PLCB1: variants seen among roughly 807,000 people sequenced by gnomAD.
PLCB1 encodes the protein phospholipase C beta 1.
In PLCB1, 46 loss-of-function variants were observed where a neutral mutation model predicts 161.8. That is an observed-to-expected ratio of 0.28 (90% CI 0.22 to 0.36). The LOEUF is 0.36. Ranked by LOEUF, PLCB1 falls within the 10% of genes least tolerant of loss-of-function variation. The pLI, the probability that PLCB1 is intolerant of heterozygous loss-of-function variation, is 1.00. For missense variants in PLCB1, 1,016 were observed against 1,472.5 expected (o/e 0.69, Z 5.07); for synonymous variants, 517 against 503.7 (o/e 1.03, Z -0.35).
At chr20:8,814,652 A>T (rs75776394) in intron 31 of PLCB1, among the ~76,000 whole-genome samples, 2,792 of 152,028 alleles carry the variant, frequency 0.018, 91 homozygotes, top group South Asian at 0.16. Context: ...CTTTTGGTAC[A>T]GTTCTCTAAA....
intron 2 of PLCB1, among the ~76,000 whole-genome samples, chr20:8,244,713 T>G (rs1209290822): frequency 6.6e-6 from 1 of 151,886 alleles, no homozygotes; most frequent in African/African-American, 2.4e-5. Flanking sequence ...ATGTATATGC[T>G]ATACCGCAGT....
intron 2 of PLCB1, among the ~76,000 whole-genome samples, chr20:8,351,988 G>A (rs530324443): frequency 2.3e-4 from 35 of 152,074 alleles, no homozygotes; most frequent in African/African-American, 7.9e-4. Flanking sequence ...TGTGCTCCTA[G>A]GTATTTACCT....
At chr20:8,168,849 C>A (rs2123064489) in intron 2 of PLCB1, among the ~76,000 whole-genome samples, 1 of 150,988 alleles carries the variant, frequency 6.6e-6, no homozygotes, top group East Asian at 2.0e-4. Context: ...CTTTGGGATT[C>A]TTTACTGCAG....
chr20:8,148,997 T>A (rs2051482187), intron 1 of PLCB1, among the ~76,000 whole-genome samples: 1 of 152,182 alleles, frequency 6.6e-6, no homozygotes, highest in African/African-American at 2.4e-5. Flanking sequence ...AGATGGATGG[T>A]GCTGATGGCA....
intron 12 of PLCB1, among the ~76,000 whole-genome samples, chr20:8,713,542 C>T (rs1979136051): frequency 6.6e-6 from 1 of 152,150 alleles, no homozygotes; most frequent in African/African-American, 2.4e-5. Context: ...AAGTGTGGTC[C>T]TCAGACCAGC....
At chr20:8,487,859 C>G (rs1168053385) in intron 3 of PLCB1, among the ~76,000 whole-genome samples, 1 of 152,060 alleles carries the variant, frequency 6.6e-6, no homozygotes, top group African/African-American at 2.4e-5. Context: ...GCTGGTGCAC[C>G]CAGCCCTTGA....
chr20:8,547,377 T>C (rs1392326805), intron 3 of PLCB1, among the ~76,000 whole-genome samples: 1 of 152,194 alleles, frequency 6.6e-6, no homozygotes, highest in African/African-American at 2.4e-5. Context: ...TTATTCCTCA[T>C]AATACCTCAA....
At chr20:8,584,483 G>GAC (rs61008784) in intron 3 of PLCB1, among the ~76,000 whole-genome samples, 12,646 of 147,684 alleles carry the variant, frequency 0.086, 876 homozygotes, top group African/African-American at 0.19. Context: ...CACACACACA[G>GAC]ACACACACAC....
intron 31 of PLCB1, among the ~76,000 whole-genome samples, chr20:8,805,082 A>C (rs1474559537): frequency 6.6e-6 from 1 of 151,296 alleles, no homozygotes; most frequent in African/African-American, 2.4e-5. Context: ...AATGTTTTCT[A>C]TTATGATAGA....
intron 3 of PLCB1, among the ~76,000 whole-genome samples, chr20:8,423,868 TCA>T (rs1979639230): frequency 6.6e-6 from 1 of 152,174 alleles, no homozygotes; most frequent in Non-Finnish European, 1.5e-5. Flanking sequence ...TATGCATCGC[TCA>T]GAGCTTCCTA....
chr20:8,440,012 A>G (rs1408259110), intron 3 of PLCB1, among the ~76,000 whole-genome samples: 2 of 152,328 alleles, frequency 1.3e-5, no homozygotes, highest in Admixed American at 6.5e-5. Flanking sequence ...GCAGTTATAC[A>G]AAAGATTATG....
chr20:8,389,401 G>T (rs527681333), intron 3 of PLCB1, among the ~76,000 whole-genome samples: 8 of 152,200 alleles, frequency 5.3e-5, no homozygotes, highest in Non-Finnish European at 1.2e-4. Flanking sequence ...GTAAGGGAAA[G>T]GTCACGGTTC....
intron 31 of PLCB1, among the ~76,000 whole-genome samples, chr20:8,852,132 A>T (rs993654044): frequency 1.3e-5 from 2 of 152,244 alleles, no homozygotes; most frequent in Non-Finnish European, 2.9e-5. Flanking sequence ...GCCAGGTTTT[A>T]TCTCTGCCTC....
intron 2 of PLCB1, among the ~76,000 whole-genome samples, chr20:8,169,195 T>A (rs531240502): frequency 2.6e-5 from 4 of 152,336 alleles, no homozygotes; most frequent in African/African-American, 9.6e-5. Flanking sequence ...TTCAGCCTAC[T>A]GCCATCTCTT....
chr20:8,345,820 G>C lies in PLCB1; in HGVS notation c.178-25562G>C, dbSNP rs1189567706. 2.0e-5 allele frequency among the ~76,000 whole-genome samples: 3 copies of C among 152,250 alleles called. 1 individual carries two copies. Among genetic ancestry groups the C allele is most frequent in the African/African-American group, 2.4e-5 (1 of 41,552 alleles). On this transcript the variant is annotated intron_variant, in intron 2 of 31. Coordinates refer to ENST00000338037, the MANE Select transcript of PLCB1 (RefSeq NM_015192.4). ...GATCCAGGCACAAAGGAGAGCAGAG[G>C]CATCTGCAAAATGAAAACTACATTC...
chr20:8,245,638 A>G (rs1205430986), intron 2 of PLCB1, among the ~76,000 whole-genome samples: 3 of 151,958 alleles, frequency 2.0e-5, no homozygotes, highest in Non-Finnish European at 4.4e-5. Context: ...ATGTCTCCTC[A>G]TCCATCAAAG....
intron 4 of PLCB1, among the ~76,000 whole-genome samples, chr20:8,629,862 T>C (rs1988490325): frequency 1.0e-5 from 1 of 100,124 alleles, no homozygotes; most frequent in South Asian, 2.9e-4. Context: ...TCTTTCTTTC[T>C]TTCTTTCTTT....
intron 3 of PLCB1, among the ~76,000 whole-genome samples, chr20:8,505,159 C>T (rs1983586279): frequency 6.6e-6 from 1 of 152,166 alleles, no homozygotes; most frequent in Admixed American, 6.5e-5. Context: ...GCCCCTGTAC[C>T]TAGCCAGATA....
chr20:8,163,914 A>G (rs2051650407), intron 2 of PLCB1, among the ~76,000 whole-genome samples: 2 of 152,216 alleles, frequency 1.3e-5, no homozygotes, highest in Non-Finnish European at 2.9e-5. Flanking sequence ...ATATGGAATG[A>G]GGTTAATTCT....
Sources: gnomAD v4.1 joint callset for allele counts (sites outside exome capture counted in the v4.1 genomes callset) on GRCh38, gnomAD v4.1.1 for gene constraint, MANE v1.5 for transcripts, NCBI Gene and HGNC (gene_info 2026-07-23, HGNC 2026-07-21) for gene names.